FGL1: variants seen among roughly 807,000 people sequenced by gnomAD.
The protein encoded by FGL1 is fibrinogen-like protein 1.
In FGL1, 59 loss-of-function variants were observed where a neutral mutation model predicts 43.7. That is an observed-to-expected ratio of 1.35 (90% CI 1.10 to 1.68). The LOEUF (loss-of-function observed/expected upper bound fraction) is 1.68. Ranked by LOEUF, FGL1 falls within the 40% of genes most tolerant of loss-of-function variation. The probability of loss-of-function intolerance (pLI) is 0.00; values close to 1 mark genes in which losing one functional copy is unlikely to be tolerated. For synonymous variants in FGL1, 192 were observed against 126.5 expected (o/e 1.52, Z -3.48); for missense variants, 596 against 373.0 (o/e 1.60, Z -4.92).
chr8:17,890,911 C>T (rs3853530), intron 1 of FGL1, among the ~76,000 whole-genome samples: 78,066 of 151,830 alleles, frequency 0.51, 22,914 homozygotes, highest in Non-Finnish European at 0.68. Context: ...CTGGGTCCAT[C>T]CCATAACATG....
At chr8:17,883,964 C>G (rs2053590267) in intron 2 of FGL1, among the ~76,000 whole-genome samples, 1 of 142,118 alleles carries the variant, frequency 7.0e-6, no homozygotes, top group Non-Finnish European at 1.5e-5. Context: ...CCTTTCTTTT[C>G]TTTCCTTTCT....
chr8:17,871,246 A>C (rs944250148), intron 5 of FGL1, among the ~76,000 whole-genome samples: 1 of 152,092 alleles, frequency 6.6e-6, no homozygotes, highest in African/African-American at 2.4e-5. Context: ...TAATTCAAGC[A>C]CTTTGGGAGG....
In FGL1 at chr8:17,865,641, A is replaced by G. The variant is rs919928390; in HGVS notation, c.780-890T>C. 3.9e-5 allele frequency among the ~76,000 whole-genome samples: 6 copies of G among 152,118 alleles called. No individual in the cohort carries two copies. In the East Asian group the frequency reaches 1.2e-3, roughly 29 times the overall value. On this transcript the variant is annotated intron_variant, in intron 7 of 7. Transcript: ENST00000427924. ...TTTCTTTCCTCCTTTGGAGTCTGTAAATTTTGTCCTTGATATGTATAATTT... is the reference window on the plus strand; with the variant it reads ...TTTCTTTCCTCCTTTGGAGTCTGTAGATTTTGTCCTTGATATGTATAATTT...
At chr8:17,892,391 G>A (rs959537425) in intron 1 of FGL1, among the ~76,000 whole-genome samples, 10 of 151,978 alleles carry the variant, frequency 6.6e-5, no homozygotes, top group African/African-American at 9.6e-5. Context: ...CTTGTTCCCC[G>A]AGACTAGAAC....
At chr8:17,869,768 G>A (rs890223376) in intron 5 of FGL1, among the ~76,000 whole-genome samples, 1 of 152,158 alleles carries the variant, frequency 6.6e-6, no homozygotes, top group Non-Finnish European at 1.5e-5. Flanking sequence ...ATGACTCTGA[G>A]TAAAAAGGTA....
intron 3 of FGL1, among the ~76,000 whole-genome samples, chr8:17,876,332 G>C (rs2053455847): frequency 6.6e-6 from 1 of 151,954 alleles, no homozygotes; most frequent in Admixed American, 6.6e-5. Context: ...CATTAAGTAG[G>C]TGAATAGGCC....
intron 1 of FGL1, among the ~76,000 whole-genome samples, chr8:17,889,745 C>A (rs530830783): frequency 2.6e-5 from 4 of 152,298 alleles, no homozygotes; most frequent in Admixed American, 6.5e-5. Context: ...CCTGGTTAAT[C>A]CTTTCTTACT....
intron 1 of FGL1, among the ~76,000 whole-genome samples, chr8:17,892,179 G>A (rs1368430788): frequency 6.6e-6 from 1 of 151,826 alleles, no homozygotes; most frequent in African/African-American, 2.4e-5. Flanking sequence ...AACTCAAGTA[G>A]CATAAAGGAA....
At chr8:17,878,722 C>G (rs1442188832) in intron 3 of FGL1, among the ~76,000 whole-genome samples, 1 of 152,078 alleles carries the variant, frequency 6.6e-6, no homozygotes, top group African/African-American at 2.4e-5. Flanking sequence ...TTTCTACCAT[C>G]AGATAAATTA....
intron 7 of FGL1, among the ~76,000 whole-genome samples, chr8:17,867,742 C>G (rs1163189325): frequency 6.6e-6 from 1 of 152,156 alleles, no homozygotes; most frequent in East Asian, 1.9e-4. Context: ...CAGAAAGAAT[C>G]CAATGGTGCG....
rs925416141 is a variant in FGL1 at position 17,883,576 on chromosome 8, A to G, written c.64-1397T>C. ...ACTTTATATAATATATTATATTTAT[A>G]CATAATATACGTATATATAAAATTA... On this transcript the variant is annotated intron_variant, in intron 2 of 7. Coordinates refer to ENST00000427924, the MANE Select transcript of FGL1 (RefSeq NM_004467.4). 2.6e-3 allele frequency among the ~76,000 whole-genome samples: 357 copies of G among 136,530 alleles called. 1 individual carries two copies. The highest frequency in any genetic ancestry group is 4.1e-3 in the Non-Finnish European group (270 of 65,832). 89.6% of individuals were successfully genotyped at this position (136,530 alleles called of 152,430 possible). A position where few individuals can be genotyped will look rare whatever the true frequency, so the allele number is the denominator to read the frequency against.
chr8:17,878,899 T>TTA (rs763731278), intron 3 of FGL1, among the ~76,000 whole-genome samples: 5 of 150,328 alleles, frequency 3.3e-5, no homozygotes, highest in Non-Finnish European at 5.9e-5. Flanking sequence ...TTATACCATA[T>TTA]TATATATATA....
chr8:17,868,912 G>A lies in FGL1; in HGVS notation c.591+4C>T. 1 of 1,585,386 alleles carries A rather than the reference G, an allele frequency of 6.3e-7. No individual in the cohort carries two copies. The highest frequency in any genetic ancestry group is 8.6e-7 in the Non-Finnish European group (1 of 1,166,654). On this transcript the variant is annotated splice_donor_region_variant and intron_variant, in intron 6 of 7. Coordinates refer to ENST00000427924, the MANE Select transcript of FGL1 (RefSeq NM_004467.4). ...CGGTTTTACTTCTTAGAAAATTGTAGTACCTTTTCATCTCCAACTTTGAAA... is the reference window on the plus strand; with the variant it reads ...CGGTTTTACTTCTTAGAAAATTGTAATACCTTTTCATCTCCAACTTTGAAA...
At chr8:17,882,720 A>G (rs2131728221) in intron 2 of FGL1, 2 of 137,698 alleles carry the variant, frequency 1.5e-5, no homozygotes, top group East Asian at 4.0e-4. Context: ...TATTATATAT[A>G]TTATATATGC....
intron 1 of FGL1, among the ~76,000 whole-genome samples, chr8:17,894,306 G>A (rs955731488): frequency 6.1e-5 from 9 of 146,868 alleles, no homozygotes; most frequent in Admixed American, 6.0e-4. Context: ...AAACGCTATA[G>A]GACTATAATG....
intron 3 of FGL1, among the ~76,000 whole-genome samples, chr8:17,875,537 CTTTCTTTCTTTCTTTCTTTCTTTCTT>C (rs2053438233): frequency 1.6e-4 from 2 of 12,232 alleles, no homozygotes; most frequent in African/African-American, 4.9e-4. Context: ...CTTTCTTTCT[CTTTCTTTCTTTCTTTCTTTCTTTCTT>C]TCTTTCTTTC....
chr8:17,875,539 T>TTCTTTCTTTCTTTCTTTCTCTCTCTC (rs2053438681), intron 3 of FGL1, among the ~76,000 whole-genome samples: 1 of 14,658 alleles, frequency 6.8e-5, no homozygotes, highest in Admixed American at 6.4e-4. Flanking sequence ...TTCTTTCTCT[T>TTCTTTCTTTCTTTCTTTCTCTCTCTC]TCTTTCTTTC....
intron 5 of FGL1, among the ~76,000 whole-genome samples, chr8:17,870,612 C>T (rs534016552): frequency 6.6e-6 from 1 of 152,282 alleles, no homozygotes; most frequent in East Asian, 1.9e-4. Context: ...TCACTTATAG[C>T]AAGGGGCTTT....
intron 1 of FGL1, 81 bp downstream of exon 1, chr8:17,895,366 G>A: frequency 4.0e-6 from 5 of 1,237,906 alleles, no homozygotes; most frequent in South Asian, 2.7e-5. Context: ...TGTTACCTGA[G>A]TTTTGGTTAC....
Sources: gnomAD v4.1 joint callset for allele counts (sites outside exome capture counted in the v4.1 genomes callset) on GRCh38, gnomAD v4.1.1 for gene constraint, MANE v1.5 for transcripts, NCBI Gene and HGNC (gene_info 2026-07-23, HGNC 2026-07-21) for gene names.